MCTP2: variants seen among roughly 807,000 people sequenced by gnomAD.
The protein encoded by MCTP2 is multiple C2 and transmembrane domain-containing protein 2.
MCTP2 carries 132 observed loss-of-function variants against 111.6 expected under a neutral mutation model. That is an observed-to-expected ratio of 1.18 (90% CI 1.03 to 1.37). The LOEUF (loss-of-function observed/expected upper bound fraction) is 1.37, where lower values mean the gene tolerates loss of function less well. Among genes scored for constraint, MCTP2 ranks in the 40% most tolerant of loss-of-function variants. The probability of loss-of-function intolerance (pLI) is 0.00; values close to 1 mark genes in which losing one functional copy is unlikely to be tolerated. For synonymous variants in MCTP2, 395 were observed against 387.7 expected, an observed-to-expected ratio of 1.02 and a Z score of -0.22; for missense variants, 1,183 against 1,067.9, an observed-to-expected ratio of 1.11 and a Z score of -1.50.
chr15:94,238,360 C>T (rs989298585), intron 1 of MCTP2, among the ~76,000 whole-genome samples: 2 of 152,008 alleles, frequency 1.3e-5, no homozygotes, highest in African/African-American at 4.8e-5. Flanking sequence ...TCGTATGAAT[C>T]ATAAATGAAT....
intron 19 of MCTP2, among the ~76,000 whole-genome samples, chr15:94,455,969 C>G (rs1162416680): frequency 2.0e-5 from 3 of 151,932 alleles, no homozygotes; most frequent in Admixed American, 2.0e-4. Flanking sequence ...TTTTAAATAT[C>G]CAGATGATCA....
intron 10 of MCTP2, 27 bp from the exon 11 acceptor site, chr15:94,367,578 C>G (rs757217633): frequency 6.3e-7 from 1 of 1,583,694 alleles, no homozygotes; most frequent in Non-Finnish European, 8.6e-7. Context: ...TCACTTTTCT[C>G]TCTCTTGATT....
intron 19 of MCTP2, among the ~76,000 whole-genome samples, chr15:94,451,371 C>G (rs1567734487): frequency 6.6e-6 from 1 of 152,288 alleles, no homozygotes; most frequent in African/African-American, 2.4e-5. Context: ...GGCTTGCTCA[C>G]AAAGTAGACC....
rs778423637 is a variant in MCTP2, at chr15:94,356,197, G to A, written c.1066G>A (p.Gly356Arg). ...CTTGAAAAAGAACCAACTCTGGAAC[G>A]GGATTATAAGTATAACTTTGTTGGA... ...ESLKKNQLWN[G>R]IISITLLEGK... The change falls in exon 9 of 23, where the codon GGG becomes AGG. Residue 356 changes from glycine (G) to arginine (R), a missense_variant. Transcript: ENST00000357742. 8.7e-6 allele frequency: 14 copies of A among 1,613,092 alleles called. No individual in the cohort carries two copies. Among genetic ancestry groups the A allele is most frequent in the Middle Eastern group, 1.6e-4 (1 of 6,080 alleles).
In MCTP2 at chr15:94,440,319, C is replaced by T. The variant is rs756437546; in HGVS notation, c.2208+21C>T. The T allele has an allele frequency of 3.1e-6, 5 of 1,612,752 alleles. No individual in the cohort carries two copies. The South Asian group carries it at 4.4e-5, about 14-fold the overall frequency. Reference sequence around the variant, plus strand: ...GCCAGGTAAGCAAGGATTCGGAGTTCTGACATTTGACTGCCGAGAAATGTG... The same window carrying T: ...GCCAGGTAAGCAAGGATTCGGAGTTTTGACATTTGACTGCCGAGAAATGTG... On this transcript the variant is annotated intron_variant, in intron 18 of 22. Transcript: ENST00000357742.
At chr15:94,307,961 A>G (rs554814201) in intron 2 of MCTP2, among the ~76,000 whole-genome samples, 1 of 143,678 alleles carries the variant, frequency 7.0e-6, no homozygotes, top group East Asian at 2.2e-4. Flanking sequence ...TTACTAATAT[A>G]ATTCATAATA....
chr15:94,258,249 A>G (rs1275166347), intron 1 of MCTP2, among the ~76,000 whole-genome samples: 3 of 152,086 alleles, frequency 2.0e-5, no homozygotes, highest in African/African-American at 7.2e-5. Context: ...TGTCACAACT[A>G]AATGAATGCT....
At chr15:94,396,454 A>G (rs572545683) in intron 14 of MCTP2, among the ~76,000 whole-genome samples, 5 of 151,990 alleles carry the variant, frequency 3.3e-5, no homozygotes, top group African/African-American at 9.7e-5. Context: ...GTGTGTGTGT[A>G]TATATATATG....
chr15:94,433,398 T>C (rs953232701), intron 17 of MCTP2, among the ~76,000 whole-genome samples: 7 of 152,276 alleles, frequency 4.6e-5, no homozygotes, highest in Non-Finnish European at 8.8e-5. Flanking sequence ...AAGACATGCA[T>C]GGTAGAGTAA....
intron 1 of MCTP2, among the ~76,000 whole-genome samples, chr15:94,244,762 A>G (rs967740621): frequency 6.7e-6 from 1 of 149,702 alleles, no homozygotes; most frequent in African/African-American, 2.5e-5. Context: ...ACCTATGTTT[A>G]TATTCGTATA....
At chr15:94,440,010 T>A (rs2083685814) in intron 17 of MCTP2, among the ~76,000 whole-genome samples, 166 bp from the exon 18 acceptor site, 1 of 152,216 alleles carries the variant, frequency 6.6e-6, no homozygotes. Context: ...TGCTACCAGT[T>A]CTAAAAATGA....
At chr15:94,388,446 C>A (rs1161905262) in intron 14 of MCTP2, among the ~76,000 whole-genome samples, 3 of 152,192 alleles carry the variant, frequency 2.0e-5, no homozygotes, top group African/African-American at 7.2e-5. Flanking sequence ...CTGCAACATT[C>A]CCTCTCCAAA....
chr15:94,339,924 T>C (rs889184142), intron 5 of MCTP2, among the ~76,000 whole-genome samples: 11 of 152,204 alleles, frequency 7.2e-5, no homozygotes, highest in African/African-American at 2.7e-4. Context: ...CTACAGAGAA[T>C]GGTCCATTGT....
chr15:94,436,942 A>C (rs900542816), intron 17 of MCTP2, among the ~76,000 whole-genome samples: 1 of 152,038 alleles, frequency 6.6e-6, no homozygotes, highest in Admixed American at 6.5e-5. Flanking sequence ...CTAATAAAGA[A>C]ATTACTATTG....
intron 14 of MCTP2, among the ~76,000 whole-genome samples, chr15:94,386,731 TCAAAG>T (rs1450301879): frequency 1.3e-5 from 2 of 152,178 alleles, no homozygotes; most frequent in African/African-American, 2.4e-5. Flanking sequence ...TCTGGGGGAC[TCAAAG>T]CAAAGACTCT....
intron 20 of MCTP2, among the ~76,000 whole-genome samples, chr15:94,461,120 C>G (rs2085178228): frequency 6.6e-6 from 1 of 152,112 alleles, no homozygotes; most frequent in Non-Finnish European, 1.5e-5. Context: ...TAATATTACA[C>G]AAATTTTAAA....
intron 1 of MCTP2, among the ~76,000 whole-genome samples, chr15:94,239,657 T>TA (rs2070798271): frequency 1.3e-5 from 2 of 152,228 alleles, no homozygotes; most frequent in Non-Finnish European, 1.5e-5. Flanking sequence ...TAGGCCTGTC[T>TA]AAACAGGTAG....
chr15:94,394,067 AAAAAAT>A lies in MCTP2; in HGVS notation c.1789-4893_1789-4888del, dbSNP rs1355345831. Reference sequence around the variant, plus strand: ...TCCATCTCAAAAAAAAAAAAAAAAAAAAAAATGTAAAAAACGTGGTAGCTGAACACG... The same window carrying A: ...TCCATCTCAAAAAAAAAAAAAAAAAAGTAAAAAACGTGGTAGCTGAACACG... On this transcript the variant is annotated intron_variant, in intron 14 of 22. Coordinates refer to ENST00000357742, the MANE Select transcript of MCTP2 (RefSeq NM_001385001.1). Among the ~76,000 whole-genome samples, 983 of 151,308 alleles carry A rather than the reference AAAAAAT, an allele frequency of 6.5e-3. 11 individuals are homozygous for A. The highest frequency in any genetic ancestry group is 0.012 in the Non-Finnish European group (795 of 67,688).
At chr15:94,333,548 T>A (rs1433172621) in intron 4 of MCTP2, among the ~76,000 whole-genome samples, 1 of 152,206 alleles carries the variant, frequency 6.6e-6, no homozygotes, top group Admixed American at 6.5e-5. Context: ...TGATATTGAC[T>A]GTTTCTATTC....
Sources: allele counts gnomAD v4.1 joint callset (sites outside exome capture counted in the v4.1 genomes callset), GRCh38; gene constraint gnomAD v4.1.1; transcripts MANE v1.5; gene names NCBI Gene and HGNC (gene_info 2026-07-23, HGNC 2026-07-21).